The following EML5 variants were observed in gnomAD, a reference collection of about 807,000 sequenced individuals.
The protein encoded by EML5 is EMAP like 5, also known as echinoderm microtubule-associated protein-like 5.
EML5 carries 120 observed loss-of-function variants against 250.0 expected under a neutral mutation model. The ratio of observed to expected loss-of-function variants is 0.48; its 90% CI spans 0.41 to 0.56. The LOEUF is 0.56. Ranked by LOEUF, EML5 falls within the 20% of genes least tolerant of loss-of-function variation. The pLI is 0.00. For synonymous variants in EML5, 771 were observed against 806.5 expected (o/e 0.96, Z 0.75); for missense variants, 2,006 against 2,437.6 (o/e 0.82, Z 3.73).
At chr14:88,737,787 C>A (rs952079949) in intron 6 of EML5, among the ~76,000 whole-genome samples, 3 of 152,210 alleles carry the variant, frequency 2.0e-5, no homozygotes, top group African/African-American at 7.2e-5. Context: ...TTGTAGACAA[C>A]TCTAGCCATG....
At chr14:88,619,375 C>CAA (rs1461071078) in intron 39 of EML5, 7 of 152,280 alleles carry the variant, frequency 4.6e-5, no homozygotes, top group Admixed American at 4.6e-4. Context: ...CAAAACAAAA[C>CAA]AAAACAAAAT....
At chr14:88,744,758 T>A (rs930452495) in intron 3 of EML5, among the ~76,000 whole-genome samples, 1 of 152,060 alleles carries the variant, frequency 6.6e-6, no homozygotes, top group Non-Finnish European at 1.5e-5. Flanking sequence ...AAATAATTCA[T>A]TTATTCTGCT....
At chr14:88,680,242 G>C (rs2141148553) in intron 21 of EML5, among the ~76,000 whole-genome samples, 2 of 151,822 alleles carry the variant, frequency 1.3e-5, no homozygotes, top group Non-Finnish European at 2.9e-5. Context: ...TTAATTACAT[G>C]CAATTTTTTT....
chr14:88,639,932 G>C (rs776159649), intron 31 of EML5, among the ~76,000 whole-genome samples: 3 of 152,050 alleles, frequency 2.0e-5, no homozygotes, highest in Non-Finnish European at 4.4e-5. Flanking sequence ...TCTGGTAGTA[G>C]TAACAGTGAA....
chr14:88,716,284 T>C (rs2093492151), intron 8 of EML5, among the ~76,000 whole-genome samples: 1 of 152,310 alleles, frequency 6.6e-6, no homozygotes, highest in Non-Finnish European at 1.5e-5. Context: ...AAGATTGTAT[T>C]ATTTGAAGCT....
In EML5 at chr14:88,630,554, C is replaced by A. The variant is rs558258227; in HGVS notation, c.4358-2735G>T. On this transcript the variant is annotated intron_variant, in intron 33 of 43. Coordinates refer to ENST00000554922, the MANE Select transcript of EML5 (RefSeq NM_183387.3). ...TGCATGCTCAACTAATAAGTCTGAG[C>A]CCACTGTGATAATACTGCCTCCACT... Among the ~76,000 whole-genome samples, 19 of 152,190 alleles carry A rather than the reference C, an allele frequency of 1.2e-4. No homozygotes were observed. In the South Asian group the frequency reaches 4.0e-3, roughly 32 times the overall value.
intron 1 of EML5, among the ~76,000 whole-genome samples, chr14:88,770,885 T>G (rs980000679): frequency 6.6e-6 from 1 of 152,206 alleles, no homozygotes; most frequent in Non-Finnish European, 1.5e-5. Context: ...CTGAAATATA[T>G]GGAAAGAACA....
chr14:88,770,832 C>T (rs1006038788), intron 1 of EML5, among the ~76,000 whole-genome samples: 1 of 152,106 alleles, frequency 6.6e-6, no homozygotes, highest in Admixed American at 6.5e-5. Flanking sequence ...CATTCTAAAA[C>T]ATTTAACAAG....
At chr14:88,655,970 GA>G (rs1202743913) in intron 27 of EML5, among the ~76,000 whole-genome samples, 2 of 152,194 alleles carry the variant, frequency 1.3e-5, no homozygotes, top group East Asian at 1.9e-4. Context: ...GGAAACAACA[GA>G]TGCTGGAGAA....
intron 24 of EML5, among the ~76,000 whole-genome samples, chr14:88,662,336 CTTGTT>C (rs778338779): frequency 2.1e-4 from 7 of 32,584 alleles, no homozygotes; most frequent in Non-Finnish European, 3.9e-4. Flanking sequence ...CACAATTTTT[CTTGTT>C]TTTTTTTTTT....
At chr14:88,618,394 G>T (rs2088126623) in intron 40 of EML5, 63 bp from the exon 41 acceptor site, 11 of 1,418,808 alleles carry the variant, frequency 7.8e-6, no homozygotes, top group East Asian at 2.3e-5. Flanking sequence ...TCCACAGGGG[G>T]TTTACAGAAT....
In EML5 at chr14:88,724,224, G is replaced by A. The variant is rs28573731; in HGVS notation, c.1187+2317C>T. Among the ~76,000 whole-genome samples the A allele has an allele frequency of 8.0e-3, 1,178 of 147,952 alleles. 16 individuals carry two copies. The highest frequency in any genetic ancestry group is 0.028 in the African/African-American group (1,123 of 39,892). On this transcript the variant is annotated intron_variant, in intron 8 of 43. Coordinates refer to ENST00000554922, the MANE Select transcript of EML5 (RefSeq NM_183387.3). ...TGGGAGGCGGAGGCTGCAGTGAGCC[G>A]AGATTGCGCCACTGTACTCCAGCCT...
intron 1 of EML5, among the ~76,000 whole-genome samples, chr14:88,762,035 G>A (rs1190817434): frequency 2.6e-5 from 4 of 152,070 alleles, no homozygotes; most frequent in East Asian, 1.9e-4. Context: ...TTTTGATAGG[G>A]TTGTTTTTTT....
chr14:88,644,623 C>T (rs2091249325), intron 29 of EML5, 112 bp from the exon 30 acceptor site: 1 of 916,510 alleles, frequency 1.1e-6, no homozygotes, highest in Admixed American at 2.2e-5. Flanking sequence ...CCAAAGATGA[C>T]CCATTCTGTG....
At chr14:88,674,723 A>C (rs1051459140) in intron 21 of EML5, among the ~76,000 whole-genome samples, 4 of 152,186 alleles carry the variant, frequency 2.6e-5, no homozygotes, top group African/African-American at 9.7e-5. Context: ...GCATTAACTC[A>C]AAAGTCCACA....
At chr14:88,727,905 G>A (rs886418920) in intron 7 of EML5, among the ~76,000 whole-genome samples, 1 of 152,090 alleles carries the variant, frequency 6.6e-6, no homozygotes, top group Non-Finnish European at 1.5e-5. Context: ...AAGATAACTA[G>A]AAGATACCCA....
At chr14:88,716,518 G>A (rs1052913616) in intron 8 of EML5, among the ~76,000 whole-genome samples, 87 of 151,966 alleles carry the variant, frequency 5.7e-4, no homozygotes, top group African/African-American at 2.1e-3. Context: ...AAAGTCTAAG[G>A]CACTATTTGG....
In EML5 at chr14:88,697,356, A is replaced by T. The variant is rs1004516515; in HGVS notation, c.2239-404T>A. 4.6e-5 allele frequency among the ~76,000 whole-genome samples: 7 copies of T among 152,358 alleles called. No homozygotes were observed. The South Asian group carries it at 1.4e-3, about 32-fold the overall frequency. On this transcript the variant is annotated intron_variant, in intron 14 of 43. Coordinates refer to ENST00000554922, the MANE Select transcript of EML5 (RefSeq NM_183387.3). ...ACCTCTTAATAGATGCTTAATGAAC[A>T]TGAAAAGGCTGTGCAGAATGAGTCC...
At chr14:88,686,427 A>T (rs1314938668) in intron 19 of EML5, among the ~76,000 whole-genome samples, 1 of 151,982 alleles carries the variant, frequency 6.6e-6, no homozygotes, top group South Asian at 2.1e-4. Context: ...TAATAATAAT[A>T]ATAAAGAAAA....
Sources: allele counts gnomAD v4.1 joint callset (sites outside exome capture counted in the v4.1 genomes callset), GRCh38; gene constraint gnomAD v4.1.1; transcripts MANE v1.5; gene names NCBI Gene and HGNC (gene_info 2026-07-23, HGNC 2026-07-21).